Variants in DNAL1 observed in about 807,000 individuals in gnomAD.
DNAL1 encodes the protein dynein axonemal light chain 1.
Under a neutral mutation model 29.4 loss-of-function variants are expected in DNAL1, and 17 were observed. The observed-to-expected ratio is 0.58, with a 90% CI of 0.40 to 0.87. The LOEUF (loss-of-function observed/expected upper bound fraction) is 0.87, where lower values mean the gene tolerates loss of function less well. DNAL1 is among the 40% of genes least tolerant of loss of function. DNAL1 has a pLI of 0.00. For missense variants in DNAL1, 188 were observed against 214.1 expected (o/e 0.88, Z 0.76); for synonymous variants, 78 against 76.3 (o/e 1.02, Z -0.12).
intron 6 of DNAL1, 144 bp from the exon 7 acceptor site, chr14:73,689,231 A>G (rs1421050294): frequency 2.8e-5 from 25 of 893,846 alleles, no homozygotes; most frequent in Non-Finnish European, 9.9e-6. Flanking sequence ...ATGGGGTTTC[A>G]CTGTGTTAGC....
intron 7 of DNAL1, 109 bp from the exon 8 acceptor site, chr14:73,695,793 T>A: frequency 1.2e-6 from 1 of 806,356 alleles, no homozygotes. Flanking sequence ...CCTCCCAAAG[T>A]GCTGGGATTA....
chr14:73,668,742 T>A lies in DNAL1; in HGVS notation c.209-2800T>A, dbSNP rs535812295. Reference sequence around the variant, plus strand: ...CCCAGGCTAGGGTGCAATGGCACGATCTTGGCTCACTGCAACCTCCGCCTC... The same window carrying A: ...CCCAGGCTAGGGTGCAATGGCACGAACTTGGCTCACTGCAACCTCCGCCTC... On this transcript the variant is annotated intron_variant, in intron 4 of 7. Coordinates refer to ENST00000553645, the MANE Select transcript of DNAL1 (RefSeq NM_031427.4). 3.3e-5 allele frequency among the ~76,000 whole-genome samples: 5 copies of A among 152,186 alleles called. No homozygotes were observed. In the South Asian group the frequency reaches 8.3e-4, roughly 25 times the overall value.
intron 5 of DNAL1, among the ~76,000 whole-genome samples, chr14:73,674,310 C>T (rs1891680543): frequency 6.6e-6 from 1 of 152,126 alleles, no homozygotes; most frequent in African/African-American, 2.4e-5. Context: ...CATGGATTTC[C>T]ACAATGCGGA....
At chr14:73,655,346 C>CTTT (rs780510214) in intron 2 of DNAL1, among the ~76,000 whole-genome samples, 1 of 139,192 alleles carries the variant, frequency 7.2e-6, no homozygotes, top group African/African-American at 2.6e-5. Context: ...TTTTTCTTTT[C>CTTT]TTTTTTTTTT....
At chr14:73,656,477 A>C (rs1044152291) in intron 2 of DNAL1, among the ~76,000 whole-genome samples, 2 of 144,436 alleles carry the variant, frequency 1.4e-5, no homozygotes, top group Non-Finnish European at 3.0e-5. Context: ...TCTGTCACCC[A>C]GGCTGGAGTG....
chr14:73,695,263 G>T (rs1892275709), intron 7 of DNAL1, among the ~76,000 whole-genome samples: 1 of 150,452 alleles, frequency 6.6e-6, no homozygotes, highest in Non-Finnish European at 1.5e-5. Context: ...TTGCTATGTT[G>T]CCCAGGCTGG....
At chr14:73,655,101 G>A (rs1891187223) in intron 2 of DNAL1, among the ~76,000 whole-genome samples, 1 of 151,876 alleles carries the variant, frequency 6.6e-6, no homozygotes, top group Non-Finnish European at 1.5e-5. Context: ...ATGAGCACAA[G>A]CAAACTTGGG....
chr14:73,668,321 G>C (rs908276299), intron 4 of DNAL1, among the ~76,000 whole-genome samples: 3 of 152,242 alleles, frequency 2.0e-5, no homozygotes, highest in Non-Finnish European at 4.4e-5. Context: ...GCTTATTGCT[G>C]TTCCTGGTGT....
intron 3 of DNAL1, among the ~76,000 whole-genome samples, chr14:73,661,169 A>C (rs912116078): frequency 6.6e-6 from 1 of 150,634 alleles, no homozygotes; most frequent in African/African-American, 2.5e-5. Context: ...GTCTAAAAAA[A>C]AAATATATAT....
chr14:73,686,463 G>A (rs1279115617), intron 5 of DNAL1, among the ~76,000 whole-genome samples: 2 of 152,132 alleles, frequency 1.3e-5, no homozygotes, highest in African/African-American at 4.8e-5. Flanking sequence ...CAGCACTTTG[G>A]GAGGCCGAGG....
rs138083161 is a variant in DNAL1, at chr14:73,681,219, C to T, written c.265-6040C>T. Among the ~76,000 whole-genome samples, 1,219 of 151,506 alleles carry T rather than the reference C, an allele frequency of 8.0e-3. 22 individuals are homozygous for T. The highest frequency in any genetic ancestry group is 0.028 in the African/African-American group (1,145 of 41,310). On this transcript the variant is annotated intron_variant, in intron 5 of 7. Coordinates refer to ENST00000553645, the MANE Select transcript of DNAL1 (RefSeq NM_031427.4). ...CACCCTGTCGGCTCACTGCAACCTCCGTCTCCTGGGTTCAAGCAATTCTCT... is the reference window on the plus strand; with the variant it reads ...CACCCTGTCGGCTCACTGCAACCTCTGTCTCCTGGGTTCAAGCAATTCTCT...
At chr14:73,680,576 T>C (rs2140051551) in intron 5 of DNAL1, among the ~76,000 whole-genome samples, 1 of 152,338 alleles carries the variant, frequency 6.6e-6, no homozygotes, top group South Asian at 2.1e-4. Context: ...TTGATACATA[T>C]ATATACGTTG....
chr14:73,682,222 G>A (rs1891904819), intron 5 of DNAL1, among the ~76,000 whole-genome samples: 1 of 142,572 alleles, frequency 7.0e-6, no homozygotes, highest in African/African-American at 2.6e-5. Context: ...CCAGGCTAGA[G>A]TGCAGTGGCT....
chr14:73,674,585 A>C (rs538151421), intron 5 of DNAL1, among the ~76,000 whole-genome samples: 111 of 152,238 alleles, frequency 7.3e-4, no homozygotes, highest in Non-Finnish European at 1.4e-3. Flanking sequence ...TCTGTCACCC[A>C]GGCTAGAGTG....
At chr14:73,655,600 G>A (rs1048050340) in intron 2 of DNAL1, among the ~76,000 whole-genome samples, 6 of 151,978 alleles carry the variant, frequency 3.9e-5, no homozygotes, top group African/African-American at 1.2e-4. Flanking sequence ...GCCTGCCTCA[G>A]CCTCCCAAAG....
intron 1 of DNAL1, 71 bp from the exon 2 acceptor site, chr14:73,654,776 A>ACATACATACATACATT: frequency 7.4e-7 from 1 of 1,347,222 alleles, no homozygotes; most frequent in Non-Finnish European, 9.9e-7. Flanking sequence ...ATACATACAT[A>ACATACATACATACATT]CATACATACA....
chr14:73,663,307 G>A (rs1161694792), intron 4 of DNAL1, among the ~76,000 whole-genome samples: 2 of 147,778 alleles, frequency 1.4e-5, no homozygotes, highest in African/African-American at 2.5e-5. Flanking sequence ...CTAGGTTCAA[G>A]CAATTCTCTT....
At chr14:73,672,626 A>T (rs1891642359) in intron 5 of DNAL1, among the ~76,000 whole-genome samples, 1 of 132,898 alleles carries the variant, frequency 7.5e-6, no homozygotes, top group African/African-American at 2.9e-5. Flanking sequence ...AAAAAAAAAA[A>T]GAAATTCTTA....
At position 73,697,238 on chromosome 14, in the gene DNAL1, C is replaced by T. The variant is rs1776096374; in HGVS notation, c.*1296C>T. ...CTCTGCCAAATTGTGCCTAAAGTCC[C>T]TCAGAGACTGTTGATTCTGGTTTCC... On this transcript the variant is annotated 3_prime_UTR_variant, in exon 8 of 8. Transcript: ENST00000553645. The T allele has an allele frequency of 1.3e-5, 2 of 152,166 alleles. No individual in the cohort carries two copies. The highest frequency in any genetic ancestry group is 6.6e-5 in the Admixed American group (1 of 15,262). 9.4% of individuals were successfully genotyped at this position (152,166 alleles called of 1,614,324 possible). A position where few individuals can be genotyped will look rare whatever the true frequency, so the allele number is the denominator to read the frequency against.
Sources: gnomAD v4.1 joint callset for allele counts (sites outside exome capture counted in the v4.1 genomes callset) on GRCh38, gnomAD v4.1.1 for gene constraint, MANE v1.5 for transcripts, NCBI Gene and HGNC (gene_info 2026-07-23, HGNC 2026-07-21) for gene names.